Variants in PTPN4 observed in about 807,000 individuals in gnomAD.
The protein encoded by PTPN4 is tyrosine-protein phosphatase non-receptor type 4.
PTPN4 carries 49 observed loss-of-function variants against 135.5 expected under a neutral mutation model. The ratio of observed to expected loss-of-function variants is 0.36; its 90% CI spans 0.29 to 0.46. The LOEUF (loss-of-function observed/expected upper bound fraction) is 0.46. Ranked by LOEUF, PTPN4 falls within the 20% of genes least tolerant of loss-of-function variation. The probability of loss-of-function intolerance (pLI) is 1.00; values close to 1 mark genes in which losing one functional copy is unlikely to be tolerated. For synonymous variants in PTPN4, 333 were observed against 369.9 expected (o/e 0.90, Z 1.14); for missense variants, 860 against 1,101.0 (o/e 0.78, Z 3.10).
Position 119,790,018 on chromosome 2 carries a change from G to A in PTPN4, c.-17-19819G>A, listed in dbSNP as rs140404365. 7.1e-3 allele frequency among the ~76,000 whole-genome samples: 1,083 copies of A among 152,180 alleles called. 12 individuals are homozygous for A. Among genetic ancestry groups the A allele is most frequent in the African/African-American group, 0.025 (1,021 of 41,508 alleles). On this transcript the variant is annotated intron_variant, in intron 1 of 26. Transcript: ENST00000263708. ...GCTGGGATTACAGGTGTGAGCCACT[G>A]CACCTGGCCACCTGTTACTCATTTC...
chr2:119,798,017 T>G lies in PTPN4; in HGVS notation c.-17-11820T>G, dbSNP rs568531002. On this transcript the variant is annotated intron_variant, in intron 1 of 26. Coordinates refer to ENST00000263708, the MANE Select transcript of PTPN4 (RefSeq NM_002830.4). ...AGATTTATCTTGGTTTTCAAACTTT[T>G]AGAATATTTACAATTTTATAGGTAC... 3.3e-5 allele frequency among the ~76,000 whole-genome samples: 5 copies of G among 152,294 alleles called. No individual in the cohort carries two copies. In the East Asian group the frequency reaches 5.8e-4, roughly 18 times the overall value.
chr2:119,855,887 C>T (rs962530826), intron 2 of PTPN4, among the ~76,000 whole-genome samples: 2 of 152,182 alleles, frequency 1.3e-5, no homozygotes, highest in South Asian at 2.1e-4. Flanking sequence ...TACTGCAAAG[C>T]TCCGCCTCCT....
At position 119,767,891 on chromosome 2, in the gene PTPN4, G is replaced by GT. The variant is rs1226426444; in HGVS notation, c.-18+7514dup. 2.0e-5 allele frequency among the ~76,000 whole-genome samples: 3 copies of GT among 152,048 alleles called. No individual in the cohort carries two copies. In the East Asian group the frequency reaches 5.8e-4, roughly 29 times the overall value. On this transcript the variant is annotated intron_variant, in intron 1 of 26. Transcript: ENST00000263708. ...TGGGTTTCTCTACTGTGAAGTTATCGTTTTTTTCCTTTTGTAATTGGGAAT... is the reference window on the plus strand; with the variant it reads ...TGGGTTTCTCTACTGTGAAGTTATCGTTTTTTTTCCTTTTGTAATTGGGAAT...
chr2:119,960,835 A>T lies in PTPN4; in HGVS notation c.2162A>T (p.Asn721Ile). ...GAAATTCCTTCTTCCAGCATTATAA[A>T]TCAGTACATTGCTTGTCAAGGGCCA... ...NMEIPSSSII[N>I]QYIACQGPLP... Residue 721 changes from asparagine to isoleucine, a missense_variant, in exon 23 of 27, where the codon AAT becomes ATT. Physicochemically the swap from Asn to Ile is moderately radical, Grantham distance 149. Around this residue, in one of 2 missense-constraint regions of PTPN4, gnomAD observed 176 missense variants for 294.1 expected, o/e 0.60. Transcript: ENST00000263708. 6.2e-7 allele frequency: 1 copy of T among 1,611,738 alleles called. No individual in the cohort carries two copies. Among genetic ancestry groups the T allele is most frequent in the Non-Finnish European group, 8.5e-7 (1 of 1,179,460 alleles).
At chr2:119,855,883 A>G (rs748912168) in intron 2 of PTPN4, among the ~76,000 whole-genome samples, 1 of 152,032 alleles carries the variant, frequency 6.6e-6, no homozygotes, top group African/African-American at 2.4e-5. Flanking sequence ...AGCTTACTGC[A>G]AAGCTCCGCC....
intron 2 of PTPN4, among the ~76,000 whole-genome samples, chr2:119,825,025 A>G (rs72836820): frequency 0.024 from 3,654 of 152,210 alleles, 63 homozygotes; most frequent in Non-Finnish European, 0.033. Flanking sequence ...AAAGAAAGCA[A>G]GTTTTTATTT....
intron 8 of PTPN4, among the ~76,000 whole-genome samples, chr2:119,885,412 T>G (rs1678141965): frequency 6.6e-6 from 1 of 152,326 alleles, no homozygotes. Context: ...CCCTGGAGGT[T>G]GGCTTAGAAT....
intron 1 of PTPN4, among the ~76,000 whole-genome samples, chr2:119,798,369 G>A (rs986261297): frequency 2.0e-5 from 3 of 152,068 alleles, no homozygotes; most frequent in African/African-American, 7.2e-5. Context: ...GTTTCACCAT[G>A]TTGGCCAGGC....
At chr2:119,773,894 A>G (rs1030433297) in intron 1 of PTPN4, among the ~76,000 whole-genome samples, 1 of 152,248 alleles carries the variant, frequency 6.6e-6, no homozygotes, top group African/African-American at 2.4e-5. Context: ...CATACATGGT[A>G]TCATTTGCAG....
At chr2:119,827,424 G>T (rs1677161089) in intron 2 of PTPN4, among the ~76,000 whole-genome samples, 1 of 152,178 alleles carries the variant, frequency 6.6e-6, no homozygotes, top group Non-Finnish European at 1.5e-5. Context: ...TCTCCACTGA[G>T]CTGTTTGTTT....
chr2:119,969,632 C>T (rs1480666149), intron 26 of PTPN4, among the ~76,000 whole-genome samples: 1 of 140,444 alleles, frequency 7.1e-6, no homozygotes, highest in East Asian at 2.2e-4. Context: ...GATCTCAGCT[C>T]ACTGCAAGCT....
At chr2:119,924,190 T>C (rs1294058565) in intron 12 of PTPN4, among the ~76,000 whole-genome samples, 1 of 151,850 alleles carries the variant, frequency 6.6e-6, no homozygotes, top group Non-Finnish European at 1.5e-5. Context: ...ATTTGAATCC[T>C]TAAAGTTTGA....
intron 11 of PTPN4, among the ~76,000 whole-genome samples, chr2:119,919,855 G>A (rs976821730): frequency 3.3e-5 from 5 of 150,470 alleles, no homozygotes; most frequent in African/African-American, 9.8e-5. Flanking sequence ...GACTGAGTTA[G>A]GTCCAGATTT....
At chr2:119,788,563 C>G (rs1006623640) in intron 1 of PTPN4, among the ~76,000 whole-genome samples, 1 of 152,186 alleles carries the variant, frequency 6.6e-6, no homozygotes, top group Non-Finnish European at 1.5e-5. Flanking sequence ...GAATGCTTTT[C>G]ATCTTTAAAG....
At chr2:119,848,623 CAG>C (rs1425966764) in intron 2 of PTPN4, among the ~76,000 whole-genome samples, 2 of 147,858 alleles carry the variant, frequency 1.4e-5, no homozygotes, top group African/African-American at 5.0e-5. Context: ...TTTTTTGAGA[CAG>C]AGTCTCACTC....
intron 1 of PTPN4, 142 bp from the exon 2 acceptor site, chr2:119,809,695 A>G (rs2104948157): frequency 1.4e-6 from 1 of 718,986 alleles, no homozygotes; most frequent in East Asian, 2.8e-5. Flanking sequence ...TTATACCTAC[A>G]ATTCTTATTC....
chr2:119,925,205 AGCAGC>A (rs1678804203), intron 12 of PTPN4, among the ~76,000 whole-genome samples: 2 of 152,128 alleles, frequency 1.3e-5, no homozygotes, highest in African/African-American at 4.8e-5. Context: ...AGCAGCTGCC[AGCAGC>A]TGCCAGTTTC....
chr2:119,932,778 A>G (rs766512944), intron 14 of PTPN4, among the ~76,000 whole-genome samples: 3 of 152,112 alleles, frequency 2.0e-5, no homozygotes, highest in Non-Finnish European at 4.4e-5. Context: ...AGGACCCTCC[A>G]CTCTCACTCT....
intron 26 of PTPN4, among the ~76,000 whole-genome samples, chr2:119,974,185 C>T (rs889809391): frequency 1.2e-4 from 19 of 152,046 alleles, no homozygotes; most frequent in African/African-American, 4.3e-4. Flanking sequence ...TGTTTTAGCC[C>T]ATTGTAGTTT....
Sources: gnomAD v4.1 joint callset for allele counts (sites outside exome capture counted in the v4.1 genomes callset) on GRCh38, gnomAD v4.1.1 for gene constraint, gnomAD v4.1.1 regional missense constraint, MANE v1.5 for transcripts, NCBI Gene and HGNC (gene_info 2026-07-23, HGNC 2026-07-21) for gene names.